The following CADPS2 variants were observed in gnomAD, a reference collection of about 807,000 sequenced individuals.
The protein encoded by CADPS2 is calcium dependent secretion activator 2, also known as calcium-dependent secretion activator 2.
In CADPS2, 93 loss-of-function variants were observed where a neutral mutation model predicts 172.5. That is an observed-to-expected ratio of 0.54 (90% confidence interval 0.46 to 0.64). The LOEUF (loss-of-function observed/expected upper bound fraction) is 0.64, where lower values mean the gene tolerates loss of function less well. Among genes scored for constraint, CADPS2 ranks in the 30% least tolerant of loss-of-function variants. The probability of loss-of-function intolerance (pLI) is 0.00; values close to 1 mark genes in which losing one functional copy is unlikely to be tolerated. For missense variants in CADPS2, 1,420 were observed against 1,565.9 expected (o/e 0.91, Z 1.57); for synonymous variants, 546 against 555.2 (o/e 0.98, Z 0.23).
In CADPS2 at chr7:122,599,213, C is replaced by T. The variant is rs1301827584; in HGVS notation, c.1223+15968G>A. The stretch of plus-strand genomic sequence containing the variant: ...GGGATAGCTCAACTGATAAAAACAG[C>T]TCCCTCCAAAACGCAACAGAATTCC... On this transcript the variant is annotated intron_variant, in intron 6 of 29. Transcript: ENST00000449022. Among the ~76,000 whole-genome samples the T allele has an allele frequency of 2.6e-5, 4 of 152,150 alleles. No individual in the cohort carries two copies. In the East Asian group the frequency reaches 7.8e-4, roughly 30 times the overall value.
intron 7 of CADPS2, among the ~76,000 whole-genome samples, chr7:122,578,600 G>T (rs2068365810): frequency 6.6e-6 from 1 of 152,036 alleles, no homozygotes; most frequent in Non-Finnish European, 1.5e-5. Flanking sequence ...TATCTAATGT[G>T]CAGGGCCACA....
Position 122,645,365 on chromosome 7 carries a change from ATGTATACACACATATGTACATG to A in CADPS2, c.787-16059_787-16038del, listed in dbSNP as rs1563947875. On this transcript the variant is annotated intron_variant, in intron 3 of 29. Coordinates refer to ENST00000449022, the MANE Select transcript of CADPS2 (RefSeq NM_017954.11). ...TGTACATGTGTGTGTATACATGTAC[ATGTATACACACATATGTACATG>A]TGTGTGTATATATGTACATATACAC... 9.6e-4 allele frequency among the ~76,000 whole-genome samples: 68 copies of A among 70,932 alleles called. 3 individuals carry two copies. Among genetic ancestry groups the A allele is most frequent in the Admixed American group, 4.3e-3 (28 of 6,454 alleles). 46.5% of individuals were successfully genotyped at this position (70,932 alleles called of 152,430 possible). A position where few individuals can be genotyped will look rare whatever the true frequency, so the allele number is the denominator to read the frequency against.
intron 15 of CADPS2, among the ~76,000 whole-genome samples, chr7:122,447,542 AATT>A (rs2052423865): frequency 1.3e-5 from 1 of 79,792 alleles, no homozygotes; most frequent in African/African-American, 4.4e-5. Flanking sequence ...TGTTTCGGGG[AATT>A]TTTTTTTTTT....
chr7:122,334,956 CT>C (rs574252903), intron 28 of CADPS2, among the ~76,000 whole-genome samples: 2 of 152,136 alleles, frequency 1.3e-5, no homozygotes, highest in East Asian at 3.9e-4. Flanking sequence ...TCTAAAAAGT[CT>C]TTGATAAATA....
chr7:122,384,540 A>T (rs570255387), intron 24 of CADPS2, among the ~76,000 whole-genome samples: 2 of 152,238 alleles, frequency 1.3e-5, no homozygotes, highest in Non-Finnish European at 2.9e-5. Context: ...GCATATATAC[A>T]GAGGGAAGGC....
At chr7:122,728,110 C>T (rs1393965665) in intron 2 of CADPS2, among the ~76,000 whole-genome samples, 1 of 151,776 alleles carries the variant, frequency 6.6e-6, no homozygotes. Context: ...GTCAAACATC[C>T]CTTGAAATAT....
chr7:122,566,234 T>A (rs572394229), intron 7 of CADPS2, among the ~76,000 whole-genome samples: 1 of 152,176 alleles, frequency 6.6e-6, no homozygotes, highest in Non-Finnish European at 1.5e-5. Flanking sequence ...AGATAAAAGA[T>A]AAGAATGGCT....
chr7:122,340,641 T>G (rs2036624476), intron 28 of CADPS2, among the ~76,000 whole-genome samples: 1 of 152,146 alleles, frequency 6.6e-6, no homozygotes, highest in South Asian at 2.1e-4. Context: ...GGATCTCTGC[T>G]GACACATGGA....
chr7:122,743,697 C>G (rs2092599118), intron 1 of CADPS2, among the ~76,000 whole-genome samples: 1 of 152,242 alleles, frequency 6.6e-6, no homozygotes. Flanking sequence ...TTAAAATTCA[C>G]AAACGCATAG....
chr7:122,368,681 T>C (rs2041305041), intron 25 of CADPS2, among the ~76,000 whole-genome samples: 1 of 152,188 alleles, frequency 6.6e-6, no homozygotes, highest in Non-Finnish European at 1.5e-5. Context: ...TTAAAGCATA[T>C]AAAAATGTAT....
intron 2 of CADPS2, chr7:122,699,014 A>G (rs1320683812): frequency 4.6e-6 from 4 of 862,834 alleles, no homozygotes; most frequent in Non-Finnish European, 7.1e-6. Flanking sequence ...TCTTCAGGAT[A>G]CAAACAAGAT....
At chr7:122,327,746 A>G (rs1158529432) in intron 28 of CADPS2, among the ~76,000 whole-genome samples, 2 of 152,020 alleles carry the variant, frequency 1.3e-5, no homozygotes, top group Non-Finnish European at 2.9e-5. Flanking sequence ...ATGCCAAAAT[A>G]ATAATTTTAG....
Position 122,822,689 on chromosome 7 carries a change from C to T in CADPS2, c.339+63310G>A, listed in dbSNP as rs1028430752. Among the ~76,000 whole-genome samples the T allele has an allele frequency of 6.6e-5, 10 of 151,138 alleles. No homozygotes were observed. The South Asian group carries it at 1.3e-3, about 19-fold the overall frequency. Reference sequence around the variant, plus strand: ...CACCTTAACTGATGACATTCCACCACAAAAAAAGTGTAAATGGCCGATCCT... The same window carrying T: ...CACCTTAACTGATGACATTCCACCATAAAAAAAGTGTAAATGGCCGATCCT... On this transcript the variant is annotated intron_variant, in intron 1 of 29. Transcript: ENST00000449022.
chr7:122,582,020 C>T (rs1378114874), intron 6 of CADPS2, among the ~76,000 whole-genome samples: 2 of 152,006 alleles, frequency 1.3e-5, no homozygotes, highest in Non-Finnish European at 2.9e-5. Flanking sequence ...TGGCACACAC[C>T]TGATATTAAA....
intron 12 of CADPS2, among the ~76,000 whole-genome samples, chr7:122,477,052 A>AAG (rs541881529): frequency 0.024 from 618 of 25,902 alleles, 33 homozygotes; most frequent in East Asian, 0.073. Context: ...GGAGAGAGAG[A>AAG]AGAGAGAGAG....
In CADPS2 at chr7:122,422,792, TAAAA is replaced by T. The variant is rs35816048; in HGVS notation, c.2477-6632_2477-6629del. Among the ~76,000 whole-genome samples the T allele has an allele frequency of 3.1e-3, 408 of 132,922 alleles. 5 individuals are homozygous for T. The highest frequency in any genetic ancestry group is 0.01 in the African/African-American group (384 of 36,750). The allele number at this position is 132,922 out of a possible 152,430, so 87.2% of individuals were successfully genotyped here. ...CAACATGGTGAAACCCCGTCTCTATTAAAAAAAAAAAAAAAAAATAGCCTGGCGT... is the reference window on the plus strand; with the variant it reads ...CAACATGGTGAAACCCCGTCTCTATTAAAAAAAAAAAAAATAGCCTGGCGT... On this transcript the variant is annotated intron_variant, in intron 17 of 29. Coordinates refer to ENST00000449022, the MANE Select transcript of CADPS2 (RefSeq NM_017954.11).
intron 8 of CADPS2, among the ~76,000 whole-genome samples, chr7:122,539,367 T>G (rs1016005033): frequency 6.6e-6 from 1 of 152,148 alleles, no homozygotes; most frequent in Non-Finnish European, 1.5e-5. Flanking sequence ...TCTTGGACTT[T>G]CCAGCTTCTA....
chr7:122,639,331 A>G (rs968091401), intron 3 of CADPS2, among the ~76,000 whole-genome samples: 1 of 152,202 alleles, frequency 6.6e-6, no homozygotes, highest in African/African-American at 2.4e-5. Context: ...CATTTTCCTA[A>G]AGGCAGAATT....
chr7:122,837,819 C>T (rs984699845), intron 1 of CADPS2, among the ~76,000 whole-genome samples: 6 of 152,004 alleles, frequency 3.9e-5, no homozygotes, highest in Non-Finnish European at 7.4e-5. Context: ...TCCAGCACCA[C>T]AGGGATTCAC....
Sources: gnomAD v4.1 joint callset for allele counts (sites outside exome capture counted in the v4.1 genomes callset) on GRCh38, gnomAD v4.1.1 for gene constraint, MANE v1.5 for transcripts, NCBI Gene and HGNC (gene_info 2026-07-23, HGNC 2026-07-21) for gene names.